The following TMEM87B variants were observed in gnomAD, a reference collection of about 807,000 sequenced individuals.
TMEM87B encodes the protein transmembrane protein 87B.
A neutral mutation model predicts 80.3 loss-of-function variants in TMEM87B; 83 were observed. That is an observed-to-expected ratio of 1.03 (90% CI 0.87 to 1.24). The LOEUF is 1.24. Among genes scored for constraint, TMEM87B ranks in the 50% most tolerant of loss-of-function variants. The pLI is 0.00. For synonymous variants in TMEM87B, 219 were observed against 230.5 expected, an observed-to-expected ratio of 0.95 and a Z score of 0.45; for missense variants, 625 against 674.4, an observed-to-expected ratio of 0.93 and a Z score of 0.81.
chr2:112,097,075 C>T lies in TMEM87B; in HGVS notation c.1136C>T (p.Thr379Ile). ...IFISLAQTMKTLRLRKNTVKF... is the reference protein window; with the variant it reads ...IFISLAQTMKILRLRKNTVKF... Reference sequence around the variant, plus strand: ...ATTAGTTTGGCACAAACTATGAAGACCCTAAGGCTAAGAAAGAACACTGTG... The same window carrying T: ...ATTAGTTTGGCACAAACTATGAAGATCCTAAGGCTAAGAAAGAACACTGTG... The change falls in exon 12 of 19, where the codon ACC becomes ATC. Residue 379 changes from threonine (T) to isoleucine (I), a missense_variant. Thr to Ile is a moderately conservative substitution (Grantham distance 89). Transcript: ENST00000283206. 6.2e-7 allele frequency: 1 copy of T among 1,607,264 alleles called. No individual in the cohort carries two copies. The highest frequency in any genetic ancestry group is 8.5e-7 in the Non-Finnish European group (1 of 1,177,856).
At chr2:112,059,000 T>G (rs1347318692) in intron 1 of TMEM87B, among the ~76,000 whole-genome samples, 1 of 152,178 alleles carries the variant, frequency 6.6e-6, no homozygotes, top group Non-Finnish European at 1.5e-5. Context: ...CAGGTTTGTC[T>G]GTTGGACATC....
At chr2:112,056,320 C>A (rs1232682993) in intron 1 of TMEM87B, among the ~76,000 whole-genome samples, 1 of 152,014 alleles carries the variant, frequency 6.6e-6, no homozygotes, top group Non-Finnish European at 1.5e-5. Context: ...CTGAATTTCT[C>A]TACAGTTCCT....
chr2:112,108,848 T>C (rs1345295047), intron 17 of TMEM87B, among the ~76,000 whole-genome samples: 1 of 152,206 alleles, frequency 6.6e-6, no homozygotes, highest in Non-Finnish European at 1.5e-5. Flanking sequence ...TGCTAGATCA[T>C]ATGGTAACTC....
chr2:112,102,014 A>G (rs1263517482), intron 15 of TMEM87B, among the ~76,000 whole-genome samples: 3 of 152,194 alleles, frequency 2.0e-5, no homozygotes, highest in Admixed American at 2.0e-4. Flanking sequence ...AAATTTTTTT[A>G]ATTTAAAATC....
At chr2:112,099,688 C>T (rs12165179) in intron 14 of TMEM87B, among the ~76,000 whole-genome samples, 63 of 150,816 alleles carry the variant, frequency 4.2e-4, no homozygotes, top group Middle Eastern at 3.4e-3. Context: ...CCAGCCTGGG[C>T]AACAAGGCAA....
chr2:112,079,841 G>GC (rs1483384215), intron 6 of TMEM87B, among the ~76,000 whole-genome samples: 1 of 151,566 alleles, frequency 6.6e-6, no homozygotes, highest in East Asian at 1.9e-4. Context: ...TTTCTCTAAT[G>GC]ACTAGTGATG....
chr2:112,072,259 C>T (rs1678662498), intron 4 of TMEM87B, among the ~76,000 whole-genome samples: 1 of 152,028 alleles, frequency 6.6e-6, no homozygotes, highest in South Asian at 2.1e-4. Flanking sequence ...CATGTCTCTT[C>T]TATGTTTTGG....
chr2:112,097,299 T>A lies in TMEM87B; in HGVS notation c.1272+8T>A. On this transcript the variant is annotated splice_region_variant and intron_variant, in intron 13 of 18. Coordinates refer to ENST00000283206, the MANE Select transcript of TMEM87B (RefSeq NM_032824.3). The stretch of plus-strand genomic sequence containing the variant: ...ATTGCAAAATGCCAATCAGTAAGTA[T>A]AACCTTCCTATTTAAACAGTTATTT... The A allele has an allele frequency of 6.3e-7, 1 of 1,585,920 alleles. No individual in the cohort carries two copies. Among genetic ancestry groups the A allele is most frequent in the Non-Finnish European group, 8.6e-7 (1 of 1,168,080 alleles).
intron 1 of TMEM87B, 71 bp downstream of exon 1, chr2:112,055,827 C>T: frequency 3.5e-6 from 5 of 1,426,796 alleles, no homozygotes; most frequent in South Asian, 3.1e-5. Flanking sequence ...CTTCGCTTGA[C>T]CCCGGGCTTG....
At position 112,056,209 on chromosome 2, in the gene TMEM87B, C is replaced by G. The variant is rs13424713; in HGVS notation, c.165+453C>G. On this transcript the variant is annotated intron_variant, in intron 1 of 18. Coordinates refer to ENST00000283206, the MANE Select transcript of TMEM87B (RefSeq NM_032824.3). ...TCAGTTTCTGCATAAACTTAGAAAG[C>G]GGGTCTGCCGCTTCCTTAAAAAAAA... Among the ~76,000 whole-genome samples the G allele has an allele frequency of 6.4e-3, 968 of 151,264 alleles. 9 individuals are homozygous for G. The highest frequency in any genetic ancestry group is 0.022 in the African/African-American group (914 of 41,250).
rs945794875 is a variant in TMEM87B at position 112,055,866 on chromosome 2, G to A, written c.165+110G>A. On this transcript the variant is annotated intron_variant, in intron 1 of 18. Transcript: ENST00000283206. ...ACCCTGCCTCTGCCGGGTCAGCACC[G>A]GGTCCCCTGATACCCTCCCTGAGCC... is the stretch of plus-strand genomic sequence containing the variant. 1.4e-5 allele frequency: 19 copies of A among 1,323,790 alleles called. No individual in the cohort carries two copies. In the African/African-American group the frequency reaches 2.6e-4, roughly 18 times the overall value. 82.0% of individuals were successfully genotyped at this position (1,323,790 alleles called of 1,614,324 possible). A position where few individuals can be genotyped will look rare whatever the true frequency, so the allele number is the denominator to read the frequency against.
intron 8 of TMEM87B, among the ~76,000 whole-genome samples, chr2:112,084,137 A>G (rs1679076693): frequency 6.6e-6 from 1 of 152,212 alleles, no homozygotes; most frequent in Non-Finnish European, 1.5e-5. Context: ...GGAGCCTGGA[A>G]GGAAAGTTGA....
chr2:112,118,604 A>C lies in TMEM87B; in HGVS notation c.*2461A>C, dbSNP rs1407569944. 1 of 152,228 alleles carries C rather than the reference A, an allele frequency of 6.6e-6. No homozygotes were observed. The highest frequency in any genetic ancestry group is 2.4e-5 in the African/African-American group (1 of 41,462). The allele number at this position is 152,228 out of a possible 1,614,324, so 9.4% of individuals were successfully genotyped here. A position where few individuals can be genotyped will look rare whatever the true frequency, so the allele number is the denominator to read the frequency against. ...AGCAATTAATTTTATTGTAAAAATA[A>C]GGAAAAATATGTGAATATGTGAATT... is the stretch of plus-strand genomic sequence containing the variant. On this transcript the variant is annotated 3_prime_UTR_variant, in exon 19 of 19. Transcript: ENST00000283206.
At chr2:112,103,782 A>G (rs1354339216) in intron 15 of TMEM87B, among the ~76,000 whole-genome samples, 1 of 152,202 alleles carries the variant, frequency 6.6e-6, no homozygotes, top group African/African-American at 2.4e-5. Context: ...CTGTACTTCA[A>G]TATGGTATGC....
rs1255697752 is a variant in TMEM87B, at chr2:112,080,928, T to C, written c.593-129T>C. On this transcript the variant is annotated intron_variant, in intron 6 of 18. Coordinates refer to ENST00000283206, the MANE Select transcript of TMEM87B (RefSeq NM_032824.3). ...AACAAATACTAATTGTCCAATACCA[T>C]GTATGTGCTACATACAAATTCAGCA... is the stretch of plus-strand genomic sequence containing the variant. 12 of 740,688 alleles carry C rather than the reference T, an allele frequency of 1.6e-5. No individual in the cohort carries two copies. The East Asian group carries it at 3.0e-4, about 18-fold the overall frequency. The allele number at this position is 740,688 out of a possible 1,614,324, so 45.9% of individuals were successfully genotyped here.
At chr2:112,095,982 C>T (rs558963926) in intron 11 of TMEM87B, among the ~76,000 whole-genome samples, 113 of 152,202 alleles carry the variant, frequency 7.4e-4, no homozygotes, top group African/African-American at 2.5e-3. Context: ...GCCCTGTGCT[C>T]CTGGAAAACA....
At position 112,067,067 on chromosome 2, in the gene TMEM87B, TGTGA is replaced by T. The variant is rs1206105258; in HGVS notation, c.450+3_450+6del. 5.6e-6 allele frequency: 9 copies of T among 1,609,672 alleles called. No homozygotes were observed. The highest frequency in any genetic ancestry group is 7.6e-6 in the Non-Finnish European group (9 of 1,178,882). On this transcript the variant is annotated splice_donor_variant and splice_donor_region_variant and intron_variant, in intron 4 of 18. Coordinates refer to ENST00000283206, the MANE Select transcript of TMEM87B (RefSeq NM_032824.3). LOFTEE classifies it high-confidence loss of function. The stretch of plus-strand genomic sequence containing the variant: ...ATTCACAGGTGTTTCCCTCTTTGAA[TGTGA>T]GTATCTGACTTGCCATGTTAAAGTT...
chr2:112,096,740 C>T (rs922692354), intron 11 of TMEM87B, among the ~76,000 whole-genome samples: 2 of 152,216 alleles, frequency 1.3e-5, no homozygotes, highest in African/African-American at 4.8e-5. Flanking sequence ...GGTTTTAGTG[C>T]GTGCACTGCT....
At chr2:112,081,222 A>G (rs1164742890) in intron 7 of TMEM87B, 104 bp downstream of exon 7, 1 of 1,431,520 alleles carries the variant, frequency 7.0e-7, no homozygotes, top group Non-Finnish European at 9.7e-7. Context: ...CATATCCTGT[A>G]TTTCTGGTTC....
Sources: gnomAD v4.1 joint callset for allele counts (sites outside exome capture counted in the v4.1 genomes callset) on GRCh38, gnomAD v4.1.1 for gene constraint, MANE v1.5 for transcripts, NCBI Gene and HGNC (gene_info 2026-07-23, HGNC 2026-07-21) for gene names.